Variants in TBXA2R observed in about 807,000 individuals in gnomAD.
TBXA2R encodes thromboxane A2 receptor, also known as prostanoid TP receptor.
TBXA2R carries 15 observed loss-of-function variants against 15.6 expected under a neutral mutation model. That is an observed-to-expected ratio of 0.96 (90% CI 0.64 to 1.48). TBXA2R has a LOEUF of 1.48. TBXA2R is among the 40% of genes most tolerant of loss of function. The probability of loss-of-function intolerance (pLI) is 0.00; values close to 1 mark genes in which losing one functional copy is unlikely to be tolerated. For missense variants in TBXA2R, 506 were observed against 491.4 expected (o/e 1.03, Z -0.28); for synonymous variants, 280 against 241.2 (o/e 1.16, Z -1.49).
At chr19:3,604,597 A>C (rs1276137900) in intron 1 of TBXA2R, among the ~76,000 whole-genome samples, 8 of 131,512 alleles carry the variant, frequency 6.1e-5, no homozygotes, top group South Asian at 2.6e-4. Flanking sequence ...AGCCCACCCC[A>C]CCTCCCCCAG....
chr19:3,603,214 C>T (rs1230210685), intron 1 of TBXA2R, among the ~76,000 whole-genome samples: 1 of 152,248 alleles, frequency 6.6e-6, no homozygotes, highest in Non-Finnish European at 1.5e-5. Flanking sequence ...CCCTCACTCC[C>T]CATCTCACTT....
Position 3,600,196 on chromosome 19 carries a change from G to A in TBXA2R, c.439C>T (p.Arg147Cys), listed in dbSNP as rs1409812428. The A allele has an allele frequency of 2.5e-6, 4 of 1,597,592 alleles. No homozygotes were observed. Among genetic ancestry groups the A allele is most frequent in the Non-Finnish European group, 3.4e-6 (4 of 1,173,236 alleles). ...PFSRPAVASQ[R>C]RAWATVGLVW... ...AGCCCCACGGTGGCCCAGGCGCGGC[G>A]CTGCGAGGCGACCGCCGGGCGCGAG... is the stretch of plus-strand genomic sequence containing the variant. Residue 147 changes from arginine to cysteine, a missense_variant, in exon 2 of 3, where the codon CGC becomes TGC. Arg to Cys is a radical substitution (Grantham distance 180). Transcript: ENST00000375190.
chr19:3,606,299 G>A lies in TBXA2R; in HGVS notation c.-84+231C>T, dbSNP rs1257220540. 2.0e-5 allele frequency among the ~76,000 whole-genome samples: 3 copies of A among 152,212 alleles called. No homozygotes were observed. The East Asian group carries it at 5.8e-4, about 30-fold the overall frequency. On this transcript the variant is annotated intron_variant, in intron 1 of 2. Transcript: ENST00000375190. The stretch of plus-strand genomic sequence containing the variant: ...CCCACAGAGACCAGAGAGCCCCCCG[G>A]ACAGAATCAGCCTGGGCCGCACCCA...
intron 2 of TBXA2R, among the ~76,000 whole-genome samples, chr19:3,598,942 T>A (rs35419703): frequency 0.52 from 78,646 of 151,758 alleles, 20,975 homozygotes; most frequent in African/African-American, 0.55. Context: ...TGCTGGGATT[T>A]CAGGCATGAG....
intron 2 of TBXA2R, among the ~76,000 whole-genome samples, chr19:3,599,114 C>T (rs1288274356): frequency 3.9e-5 from 6 of 152,240 alleles, no homozygotes; most frequent in Admixed American, 3.3e-4. Context: ...ACAGCCACGC[C>T]TACTCATTTA....
chr19:3,594,979 C>G lies in TBXA2R; in HGVS notation c.*709G>C. On this transcript the variant is annotated 3_prime_UTR_variant, in exon 3 of 3. Transcript: ENST00000375190. Reference sequence around the variant, plus strand: ...CCTGTAATCCCAGCTGCTCGGGAGGCTGAGGCACGAGAATCGCTTGAACCC... The same window carrying G: ...CCTGTAATCCCAGCTGCTCGGGAGGGTGAGGCACGAGAATCGCTTGAACCC... 1.3e-6 allele frequency: 2 copies of G among 1,524,766 alleles called. No individual in the cohort carries two copies. Among genetic ancestry groups the G allele is most frequent in the African/African-American group, 1.4e-5 (1 of 72,714 alleles). 94.5% of individuals were successfully genotyped at this position (1,524,766 alleles called of 1,614,324 possible). A position where few individuals can be genotyped will look rare whatever the true frequency, so the allele number is the denominator to read the frequency against.
chr19:3,604,871 A>G (rs1043100046), intron 1 of TBXA2R, among the ~76,000 whole-genome samples: 1 of 152,046 alleles, frequency 6.6e-6, no homozygotes, highest in African/African-American at 2.4e-5. Context: ...TTGGACCCAC[A>G]GGGCCCTTTT....
chr19:3,604,860 C>T (rs947389864), intron 1 of TBXA2R, among the ~76,000 whole-genome samples: 2 of 152,150 alleles, frequency 1.3e-5, no homozygotes, highest in Non-Finnish European at 2.9e-5. Context: ...GGCCTTGGAC[C>T]TTGGACCCAC....
Position 3,600,553 on chromosome 19 carries a change from G to A in TBXA2R, c.82C>T (p.Pro28Ser), listed in dbSNP as rs1131691334. 6.2e-7 allele frequency: 1 copy of A among 1,612,020 alleles called. No homozygotes were observed. Among genetic ancestry groups the A allele is most frequent in the Non-Finnish European group, 8.5e-7 (1 of 1,179,060 alleles). Reference sequence around the variant, plus strand: ...ACGCAGAAGGAGGCGGCGAACCAGGGCGAGGCGATCAGCCGTCTCTCCTCC... The same window carrying A: ...ACGCAGAAGGAGGCGGCGAACCAGGACGAGGCGATCAGCCGTCTCTCCTCC... ...TLEERRLIAS[P>S]WFAASFCVVG... is the part of the protein sequence containing the mutation. Residue 28 changes from proline (P) to serine (S), a missense_variant, in exon 2 of 3, where the codon CCC (proline) becomes TCC (serine). Coordinates refer to ENST00000375190, the MANE Select transcript of TBXA2R (RefSeq NM_001060.6).
rs1357790203 is a variant in TBXA2R at position 3,595,605 on chromosome 19, T to A, written c.*83A>T. 1 of 1,478,068 alleles carries A rather than the reference T, an allele frequency of 6.8e-7. No individual in the cohort carries two copies. The highest frequency in any genetic ancestry group is 2.3e-5 in the Admixed American group (1 of 42,952). 91.6% of individuals were successfully genotyped at this position (1,478,068 alleles called of 1,614,324 possible). A position where few individuals can be genotyped will look rare whatever the true frequency, so the allele number is the denominator to read the frequency against. ...CTGTCCATCCAGCACCCCCAGCCCC[T>A]GAATCCTCAGAACAGGCAGATGGGC... On this transcript the variant is annotated 3_prime_UTR_variant, in exon 3 of 3. Coordinates refer to ENST00000375190, the MANE Select transcript of TBXA2R (RefSeq NM_001060.6).
Position 3,594,714 on chromosome 19 carries a change from G to T in TBXA2R, c.*974C>A. 4.9e-6 allele frequency: 4 copies of T among 813,340 alleles called. No homozygotes were observed. In the South Asian group the frequency reaches 7.2e-5, roughly 15 times the overall value. 50.4% of individuals were successfully genotyped at this position (813,340 alleles called of 1,614,324 possible). ...CCCCATCCTTCCCAGCCCTGCCCTC[G>T]TCTGCTCCGGGTGAGGCCCAATGCA... is the stretch of plus-strand genomic sequence containing the variant. On this transcript the variant is annotated 3_prime_UTR_variant, in exon 3 of 3. Coordinates refer to ENST00000375190, the MANE Select transcript of TBXA2R (RefSeq NM_001060.6).
At chr19:3,605,785 GACAC>G (rs201307050) in intron 1 of TBXA2R, among the ~76,000 whole-genome samples, 5,352 of 137,510 alleles carry the variant, frequency 0.039, 192 homozygotes, top group African/African-American at 0.1. Context: ...GACAGACACA[GACAC>G]ACACAAGCAG....
rs745580434 is a variant in TBXA2R at position 3,595,909 on chromosome 19, G to T, written c.811C>A (p.Arg271=). The part of the protein sequence containing the change: ...LLVFIAQTVL[R]NPPAMSPAGQ... ...GCGGGGCTCATGGCAGGCGGGTTTC[G>T]CAGCACTGTCTGGGCGATGAAGACC... Residue 271 remains arginine, a synonymous_variant, in exon 3 of 3, where the codon CGA becomes AGA. Coordinates refer to ENST00000375190, the MANE Select transcript of TBXA2R (RefSeq NM_001060.6). 1 of 1,600,096 alleles carries T rather than the reference G, an allele frequency of 6.2e-7. No individual in the cohort carries two copies. The highest frequency in any genetic ancestry group is 1.1e-5 in the South Asian group (1 of 88,926).
chr19:3,600,132 A>T lies in TBXA2R; in HGVS notation c.503T>A (p.Leu168Gln). Residue 168 changes from leucine (L) to glutamine (Q), a missense_variant, in exon 2 of 3, where the codon CTG (leucine) becomes CAG (glutamine). By Grantham distance (113) the Leu-to-Gln change is moderately radical. Coordinates refer to ENST00000375190, the MANE Select transcript of TBXA2R (RefSeq NM_001060.6). Reference sequence around the variant, plus strand: ...CACGGTGTAGCGACCCACGCCCAGCAGGGGCAGCAGGCCCAGCGCCAGCGC... The same window carrying T: ...CACGGTGTAGCGACCCACGCCCAGCTGGGGCAGCAGGCCCAGCGCCAGCGC... Reference protein sequence around the residue: ...AAALALGLLPLLGVGRYTVQY... With the variant: ...AAALALGLLPQLGVGRYTVQY... 6.2e-7 allele frequency: 1 copy of T among 1,610,502 alleles called. No individual in the cohort carries two copies. The highest frequency in any genetic ancestry group is 1.1e-5 in the South Asian group (1 of 91,000).
At chr19:3,601,087 T>G (rs1038552910) in intron 1 of TBXA2R, among the ~76,000 whole-genome samples, 3 of 151,496 alleles carry the variant, frequency 2.0e-5, no homozygotes, top group African/African-American at 7.3e-5. Context: ...GGTTTTATAA[T>G]AAGAAATAAA....
chr19:3,600,030 A>G lies in TBXA2R; in HGVS notation c.605T>C (p.Met202Thr). 6.2e-7 allele frequency: 1 copy of G among 1,612,494 alleles called. No individual in the cohort carries two copies. Among genetic ancestry groups the G allele is most frequent in the Non-Finnish European group, 8.5e-7 (1 of 1,179,670 alleles). Residue 202 changes from methionine to threonine, a missense_variant, in exon 2 of 3, where the codon ATG (methionine) becomes ACG (threonine). Transcript: ENST00000375190. ...GDVAFGLLFS[M>T]LGGLSVGLSF... ...CAGCCCGACCGAGAGGCCGCCCAGC[A>G]TGGAGAAGAGCAGCCCGAAGGCCAC... is the stretch of plus-strand genomic sequence containing the variant.
intron 1 of TBXA2R, among the ~76,000 whole-genome samples, chr19:3,601,517 T>C (rs1475754482): frequency 6.7e-6 from 1 of 148,996 alleles, no homozygotes; most frequent in Non-Finnish European, 1.5e-5. Flanking sequence ...AGTGAGACCC[T>C]GTCTCAAAAA....
Position 3,595,776 on chromosome 19 carries a change from A to G in TBXA2R, c.944T>C (p.Val315Ala). 1 of 1,609,996 alleles carries G rather than the reference A, an allele frequency of 6.2e-7. No individual in the cohort carries two copies. The highest frequency in any genetic ancestry group is 1.1e-5 in the South Asian group (1 of 90,334). ...PWVYILFRRAVLRRLQPRLST... is the reference protein window; with the variant it reads ...PWVYILFRRAALRRLQPRLST... ...GAGGCGAGGCTGGAGACGCCGGAGC[A>G]CGGCGCGGCGGAACAGGATATACAC... is the stretch of plus-strand genomic sequence containing the variant. The change falls in exon 3 of 3, where the codon GTG becomes GCG. Residue 315 changes from valine (V) to alanine (A), a missense_variant. Transcript: ENST00000375190.
intron 1 of TBXA2R, among the ~76,000 whole-genome samples, chr19:3,603,054 G>C (rs573013026): frequency 6.6e-6 from 1 of 151,854 alleles, no homozygotes; most frequent in Non-Finnish European, 1.5e-5. Context: ...AAAAAAAGTC[G>C]GGGTTGCTGA....
Sources: allele counts gnomAD v4.1 joint callset (sites outside exome capture counted in the v4.1 genomes callset), GRCh38; gene constraint gnomAD v4.1.1; transcripts MANE v1.5; gene names NCBI Gene and HGNC (gene_info 2026-07-23, HGNC 2026-07-21).